PCSK5: variants seen among roughly 807,000 people sequenced by gnomAD.
PCSK5 encodes prohormone convertase 5.
A neutral mutation model predicts 233.2 loss-of-function variants in PCSK5; 129 were observed. The observed-to-expected ratio is 0.55, with a 90% CI of 0.48 to 0.64. The LOEUF (loss-of-function observed/expected upper bound fraction) is 0.64, where lower values mean the gene tolerates loss of function less well. Ranked by LOEUF, PCSK5 falls within the 30% of genes least tolerant of loss-of-function variation. The pLI, the probability that PCSK5 is intolerant of heterozygous loss-of-function variation, is 0.00. For synonymous variants in PCSK5, 825 were observed against 879.2 expected (o/e 0.94, Z 1.09); for missense variants, 2,076 against 2,430.1 (o/e 0.85, Z 3.06).
chr9:76,332,460 A>AG lies in PCSK5; in HGVS notation c.4601dup (p.Tyr1535LeufsTer5). 2 of 1,612,646 alleles carry AG rather than the reference A, an allele frequency of 1.2e-6. No individual in the cohort carries two copies. Among genetic ancestry groups the AG allele is most frequent in the Non-Finnish European group, 1.7e-6 (2 of 1,179,700 alleles). ...ACAACCTGTGTGAAGGACTGCCCAG[A>AG]GGGCTATTATGCCGATGAGGACAGC... On this transcript the variant is annotated frameshift_variant, in exon 34 of 38. Coordinates refer to ENST00000674117, the MANE Select transcript of PCSK5 (RefSeq NM_001372043.1). LOFTEE classifies it high-confidence loss of function.
intron 2 of PCSK5, among the ~76,000 whole-genome samples, chr9:75,933,530 CT>C (rs1416743428): frequency 1.3e-5 from 2 of 152,194 alleles, no homozygotes; most frequent in Non-Finnish European, 2.9e-5. Context: ...AAAAAGGCCC[CT>C]GTTTGAATTA....
intron 7 of PCSK5, among the ~76,000 whole-genome samples, chr9:76,089,946 G>GA (rs954420868): frequency 3.3e-5 from 5 of 151,934 alleles, no homozygotes; most frequent in South Asian, 2.1e-4. Context: ...GCATTCTTGA[G>GA]AAAAAAAATG....
intron 24 of PCSK5, among the ~76,000 whole-genome samples, chr9:76,242,555 A>G (rs1002377058): frequency 1.1e-4 from 16 of 152,254 alleles, no homozygotes; most frequent in African/African-American, 3.6e-4. Context: ...AAACCTAGGC[A>G]TAAATAATAA....
Position 76,177,169 on chromosome 9 carries a change from C to G in PCSK5, c.1900+2040C>G, listed in dbSNP as rs191591959. 4.7e-3 allele frequency among the ~76,000 whole-genome samples: 722 copies of G among 152,104 alleles called. 7 individuals carry two copies. The highest frequency in any genetic ancestry group is 7.3e-3 in the Non-Finnish European group (496 of 67,998). On this transcript the variant is annotated intron_variant, in intron 14 of 37. Transcript: ENST00000674117. Reference sequence around the variant, plus strand: ...ATTAGCCGGGTGTGGTGGCACGCACCTGTAATCCCAGCTACTGGAGAGGCT... The same window carrying G: ...ATTAGCCGGGTGTGGTGGCACGCACGTGTAATCCCAGCTACTGGAGAGGCT...
At chr9:76,309,482 C>T (rs1421848672) in intron 29 of PCSK5, among the ~76,000 whole-genome samples, 1 of 152,086 alleles carries the variant, frequency 6.6e-6, no homozygotes, top group African/African-American at 2.4e-5. Flanking sequence ...TCACTTGAGG[C>T]CAGGAGTTGG....
At chr9:76,180,031 A>T (rs1823779934) in intron 15 of PCSK5, among the ~76,000 whole-genome samples, 1 of 149,852 alleles carries the variant, frequency 6.7e-6, no homozygotes, top group Non-Finnish European at 1.5e-5. Flanking sequence ...TGACAAGTAA[A>T]AACTGCATGT....
At chr9:76,340,639 C>CAAAAAA (rs57319222) in intron 35 of PCSK5, among the ~76,000 whole-genome samples, 8 of 95,354 alleles carry the variant, frequency 8.4e-5, no homozygotes, top group South Asian at 3.9e-4. Context: ...ACGAGACTGT[C>CAAAAAA]AAAAAAAAAA....
chr9:76,210,805 A>G (rs1353583214), intron 20 of PCSK5, among the ~76,000 whole-genome samples: 1 of 152,190 alleles, frequency 6.6e-6, no homozygotes, highest in Non-Finnish European at 1.5e-5. Context: ...TATAGAAATG[A>G]TTGAGCTAAA....
intron 21 of PCSK5, 80 bp from the exon 22 acceptor site, chr9:76,233,380 A>T (rs1483538491): frequency 5.7e-6 from 8 of 1,415,234 alleles, no homozygotes; most frequent in Non-Finnish European, 6.9e-6. Flanking sequence ...TCCAGCAAAC[A>T]TGAATACCAC....
chr9:76,256,464 G>A (rs768138480), intron 24 of PCSK5, among the ~76,000 whole-genome samples: 2 of 152,200 alleles, frequency 1.3e-5, no homozygotes, highest in African/African-American at 4.8e-5. Flanking sequence ...TCAGAAGACC[G>A]TCTGCCAGTC....
At chr9:76,179,354 C>G (rs1055409525) in intron 14 of PCSK5, among the ~76,000 whole-genome samples, 3 of 151,966 alleles carry the variant, frequency 2.0e-5, no homozygotes, top group African/African-American at 7.3e-5. Context: ...CTTTGAAGAC[C>G]AGGCCATGAC....
chr9:76,028,376 C>T (rs1828515546), intron 5 of PCSK5, among the ~76,000 whole-genome samples: 2 of 152,164 alleles, frequency 1.3e-5, no homozygotes, highest in African/African-American at 4.8e-5. Context: ...TATTATTGCT[C>T]AAATCAGCCT....
At chr9:76,277,805 T>C (rs2131382253) in intron 24 of PCSK5, among the ~76,000 whole-genome samples, 1 of 152,334 alleles carries the variant, frequency 6.6e-6, no homozygotes, top group African/African-American at 2.4e-5. Context: ...GTGCAAGACC[T>C]ATTTGAATTA....
At chr9:76,066,217 T>G (rs537251622) in intron 5 of PCSK5, among the ~76,000 whole-genome samples, 32 of 152,302 alleles carry the variant, frequency 2.1e-4, no homozygotes, top group African/African-American at 7.7e-4. Context: ...GTAGATTGCT[T>G]TGGGTAGTAT....
At chr9:76,065,063 G>A (rs926430877) in intron 5 of PCSK5, among the ~76,000 whole-genome samples, 1 of 152,188 alleles carries the variant, frequency 6.6e-6, no homozygotes, top group Non-Finnish European at 1.5e-5. Flanking sequence ...ATCTGTTGAT[G>A]GACACTTATC....
chr9:75,900,702 C>CTTTTTTT (rs74398159), intron 1 of PCSK5, among the ~76,000 whole-genome samples: 1 of 134,194 alleles, frequency 7.5e-6, no homozygotes, highest in Non-Finnish European at 1.6e-5. Flanking sequence ...AAACAAACAA[C>CTTTTTTT]TTTTTTTTTT....
intron 16 of PCSK5, among the ~76,000 whole-genome samples, chr9:76,181,962 G>C (rs1029476059): frequency 6.6e-6 from 1 of 152,194 alleles, no homozygotes; most frequent in Non-Finnish European, 1.5e-5. Flanking sequence ...AATGCGTGAC[G>C]ACGTGCATGA....
intron 34 of PCSK5, among the ~76,000 whole-genome samples, chr9:76,333,831 C>T (rs1829601527): frequency 6.6e-6 from 1 of 152,156 alleles, no homozygotes; most frequent in Admixed American, 6.5e-5. Flanking sequence ...TGCTGCCTTG[C>T]ATTTTGATTT....
chr9:76,036,524 C>A (rs1481836906), intron 5 of PCSK5, among the ~76,000 whole-genome samples: 2 of 152,174 alleles, frequency 1.3e-5, no homozygotes, highest in South Asian at 2.1e-4. Flanking sequence ...CTTCTCAGAA[C>A]CTTCCTCACC....
Sources: allele counts gnomAD v4.1 joint callset (sites outside exome capture counted in the v4.1 genomes callset), GRCh38; gene constraint gnomAD v4.1.1; transcripts MANE v1.5; gene names NCBI Gene and HGNC (gene_info 2026-07-23, HGNC 2026-07-21).